CBX6: variants seen among roughly 807,000 people sequenced by gnomAD.
CBX6 encodes chromobox 6, also known as chromobox protein homolog 6.
Under a neutral mutation model 28.4 loss-of-function variants are expected in CBX6, and 7 were observed. The observed-to-expected ratio is 0.25, with a 90% CI of 0.14 to 0.46. CBX6 has a LOEUF of 0.46. CBX6 is among the 20% of genes least tolerant of loss of function. CBX6 has a pLI of 0.99. For synonymous variants in CBX6, 297 were observed against 273.4 expected (o/e 1.09, Z -0.85); for missense variants, 512 against 606.1 (o/e 0.84, Z 1.63).
rs780708348 is a variant in CBX6, at chr22:38,866,419, G to A, written c.1029C>T (p.Ala343=). The A allele has an allele frequency of 1.8e-5, 29 of 1,611,252 alleles. No individual in the cohort carries two copies. The African/African-American group carries it at 3.6e-4, about 20-fold the overall frequency. ...CGGAGGAGGCACCGGCGGGCTCAGGGGCCGTGGGAGGTGCCGGGCCGGCAG... is the reference window on the plus strand; with the variant it reads ...CGGAGGAGGCACCGGCGGGCTCAGGAGCCGTGGGAGGTGCCGGGCCGGCAG... ...TAAAGPAPPT[A]PEPAGASSEP... is the part of the protein sequence containing the mutation. The change falls in exon 5 of 5, where the codon GCC becomes GCT. Residue 343 remains alanine, a synonymous_variant. Transcript: ENST00000407418. The surrounding 1 kb of genome is among the most constrained non-coding windows in gnomAD (Gnocchi z 7.5).
At chr22:38,869,043 C>T (rs1241177192) in intron 4 of CBX6, among the ~76,000 whole-genome samples, 1 of 152,206 alleles carries the variant, frequency 6.6e-6, no homozygotes, top group Non-Finnish European at 1.5e-5. Flanking sequence ...TAGGTGGCAG[C>T]ACATGAAGCC....
In CBX6 at chr22:38,872,182, C is replaced by A; in HGVS notation, c.9G>T (p.Leu3=). Residue 3 remains leucine, a synonymous_variant, in exon 1 of 5, where the codon CTG becomes CTT. Coordinates refer to ENST00000407418, the MANE Select transcript of CBX6 (RefSeq NM_014292.5). This position sits in a 1 kb window ranked among gnomAD's most constrained non-coding sequence, Gnocchi z 5.0. ...CGAAGACCCGCTCGCCCACTGCAGA[C>A]AGCTCCATCTTGCTCAGCGGCACCC... ME[L]SAVGERVFAA... is the part of the protein sequence containing the mutation. The A allele has an allele frequency of 7.1e-7, 1 of 1,412,242 alleles. No individual in the cohort carries two copies. The highest frequency in any genetic ancestry group is 1.3e-5 in the South Asian group (1 of 78,742). 87.5% of individuals were successfully genotyped at this position (1,412,242 alleles called of 1,614,324 possible).
Position 38,863,761 on chromosome 22 carries a change from A to C in CBX6, c.*2448T>G, listed in dbSNP as rs2078381359. The C allele has an allele frequency of 6.6e-6, 1 of 152,052 alleles. No individual in the cohort carries two copies. Among genetic ancestry groups the C allele is most frequent in the African/African-American group, 2.4e-5 (1 of 41,382 alleles). The allele number at this position is 152,052 out of a possible 1,614,324, so 9.4% of individuals were successfully genotyped here. ...CCTCCTGAAGCCTGCATCCCCTTTC[A>C]GGCCAGGGAGGCTCAGAGAGGTTGT... On this transcript the variant is annotated 3_prime_UTR_variant, in exon 5 of 5. Coordinates refer to ENST00000407418, the MANE Select transcript of CBX6 (RefSeq NM_014292.5).
Position 38,871,471 on chromosome 22 carries a change from C to G in CBX6, c.246+9G>C, listed in dbSNP as rs1374747193. On this transcript the variant is annotated intron_variant, in intron 4 of 4. Transcript: ENST00000407418. The surrounding 1 kb of genome is among the most constrained non-coding windows in gnomAD (Gnocchi z 5.6). Reference sequence around the variant, plus strand: ...AGAGGGGGATGCTGCTGGGGCTGGGCCAGGTTACCTTCAGGAGGAAAGTTT... The same window carrying G: ...AGAGGGGGATGCTGCTGGGGCTGGGGCAGGTTACCTTCAGGAGGAAAGTTT... 63 of 1,607,386 alleles carry G rather than the reference C, an allele frequency of 3.9e-5. No individual in the cohort carries two copies. The highest frequency in any genetic ancestry group is 5.0e-5 in the Non-Finnish European group (59 of 1,177,042).
At position 38,866,518 on chromosome 22, in the gene CBX6, C is replaced by T. The variant is rs771912988; in HGVS notation, c.930G>A (p.Pro310=). ...GAGGGAGGGACAGGTCGAGCACCTC[C>T]GGCTCGCGCCAGCTGGGGGCGGATG... ...VSPSAPSWRE[P]EVLDLSLPPE... is the part of the protein sequence containing the mutation. The change falls in exon 5 of 5, where the codon CCG becomes CCA. Residue 310 remains proline (P), a synonymous_variant. Transcript: ENST00000407418. The surrounding 1 kb of genome is among the most constrained non-coding windows in gnomAD (Gnocchi z 7.5). The T allele has an allele frequency of 6.3e-6, 10 of 1,582,442 alleles. No individual in the cohort carries two copies. In the Admixed American group the frequency reaches 1.2e-4, roughly 20 times the overall value.
rs1244456331 is a variant in CBX6, at chr22:38,867,013, T to C, written c.435A>G (p.Gly145=). 5.6e-6 allele frequency: 9 copies of C among 1,605,630 alleles called. No homozygotes were observed. In the East Asian group the frequency reaches 6.7e-5, roughly 12 times the overall value. ...AGAAGGGCGAAATGGGCGGGCGCAG[T>C]CCGGGGCTGCCCCCCTGCGGGTCCG... ...PRPDPQGGSP[G]LRPPISPFSE... The change falls in exon 5 of 5, where the codon GGA becomes GGG. Residue 145 remains glycine, a synonymous_variant. Coordinates refer to ENST00000407418, the MANE Select transcript of CBX6 (RefSeq NM_014292.5).
Position 38,867,007 on chromosome 22 carries a change from G to A in CBX6, c.441C>T (p.Arg147=), listed in dbSNP as rs2093172080. The part of the protein sequence containing the change: ...PDPQGGSPGL[R]PPISPFSETV... ...TCTCCGAGAAGGGCGAAATGGGCGG[G>A]CGCAGTCCGGGGCTGCCCCCCTGCG... Residue 147 remains arginine (R), a synonymous_variant, in exon 5 of 5, where the codon CGC becomes CGT. Coordinates refer to ENST00000407418, the MANE Select transcript of CBX6 (RefSeq NM_014292.5). The A allele has an allele frequency of 6.2e-7, 1 of 1,606,750 alleles. No individual in the cohort carries two copies. The highest frequency in any genetic ancestry group is 8.5e-7 in the Non-Finnish European group (1 of 1,177,874).
rs1041853610 is a variant in CBX6 at position 38,871,822 on chromosome 22, C to T, written c.114-65G>A. The T allele has an allele frequency of 2.5e-6, 4 of 1,581,742 alleles. No individual in the cohort carries two copies. The Admixed American group carries it at 7.0e-5, about 28-fold the overall frequency. ...GAGAGGGACAGGCACGCGGCGAGAG[C>T]AAGAGCGCGCACCCCCACCCCAGGC... On this transcript the variant is annotated intron_variant, in intron 2 of 4. Coordinates refer to ENST00000407418, the MANE Select transcript of CBX6 (RefSeq NM_014292.5). This position sits in a 1 kb window ranked among gnomAD's most constrained non-coding sequence, Gnocchi z 5.6.
chr22:38,865,129 C>T lies in CBX6; in HGVS notation c.*1080G>A, dbSNP rs937513951. 1 of 152,312 alleles carries T rather than the reference C, an allele frequency of 6.6e-6. No individual in the cohort carries two copies. The highest frequency in any genetic ancestry group is 1.9e-4 in the East Asian group (1 of 5,190). The allele number at this position is 152,312 out of a possible 1,614,324, so 9.4% of individuals were successfully genotyped here. On this transcript the variant is annotated 3_prime_UTR_variant, in exon 5 of 5. Transcript: ENST00000407418. ...ATTCTTCAGCATCCTCCCCAAACAC[C>T]CGGAGGAAGAGGGAGCTTGGAATGG...
At position 38,867,204 on chromosome 22, in the gene CBX6, G is replaced by A; in HGVS notation, c.247-3C>T. ...AGGGCCTCGGCCTGGGCCCGCGCCT[G>A]CGGGCAGAGGGAGGGGTGGGTGGGA... On this transcript the variant is annotated splice_polypyrimidine_tract_variant and splice_region_variant and intron_variant, in intron 4 of 4. Transcript: ENST00000407418. 6 of 1,531,638 alleles carry A rather than the reference G, an allele frequency of 3.9e-6. No homozygotes were observed. The highest frequency in any genetic ancestry group is 5.2e-6 in the Non-Finnish European group (6 of 1,144,656). 94.9% of individuals were successfully genotyped at this position (1,531,638 alleles called of 1,614,324 possible). A position where few individuals can be genotyped will look rare whatever the true frequency, so the allele number is the denominator to read the frequency against.
chr22:38,866,129 G>C lies in CBX6; in HGVS notation c.*80C>G. On this transcript the variant is annotated 3_prime_UTR_variant, in exon 5 of 5. Coordinates refer to ENST00000407418, the MANE Select transcript of CBX6 (RefSeq NM_014292.5). The surrounding 1 kb of genome is among the most constrained non-coding windows in gnomAD (Gnocchi z 7.5). ...AGCAAAGCACAGGGAGAGAGGGCTG[G>C]GGGCAAGGGTGGGGTGGGAGCAAGA... 9.7e-7 allele frequency: 1 copy of C among 1,026,174 alleles called. No individual in the cohort carries two copies. The allele number at this position is 1,026,174 out of a possible 1,614,324, so 63.6% of individuals were successfully genotyped here.
chr22:38,867,646 G>A (rs1028786359), intron 4 of CBX6, among the ~76,000 whole-genome samples: 4 of 152,354 alleles, frequency 2.6e-5, no homozygotes, highest in Non-Finnish European at 4.4e-5. Flanking sequence ...CTCATTCGTG[G>A]TGACAGAAAG....
rs1333798204 is a variant in CBX6, at chr22:38,871,377, G to A, written c.246+103C>T. ...AGCTGGGGCCCCTCTGAAAAGGCCG[G>A]CCCGCTTGGGCGGCCGCGTATCTGT... On this transcript the variant is annotated intron_variant, in intron 4 of 4. Transcript: ENST00000407418. The surrounding 1 kb of genome is among the most constrained non-coding windows in gnomAD (Gnocchi z 5.6). The A allele has an allele frequency of 8.1e-7, 1 of 1,235,742 alleles. No individual in the cohort carries two copies. The highest frequency in any genetic ancestry group is 2.3e-5 in the Admixed American group (1 of 43,032). The allele number at this position is 1,235,742 out of a possible 1,614,324, so 76.5% of individuals were successfully genotyped here. A position where few individuals can be genotyped will look rare whatever the true frequency, so the allele number is the denominator to read the frequency against.
In CBX6 at chr22:38,870,751, ACT is replaced by A. The variant is rs1454321938; in HGVS notation, c.246+727_246+728del. The A allele has an allele frequency of 1.3e-5, 2 of 151,894 alleles. No homozygotes were observed. Among genetic ancestry groups the A allele is most frequent in the African/African-American group, 4.8e-5 (2 of 41,262 alleles). 9.4% of individuals were successfully genotyped at this position (151,894 alleles called of 1,614,324 possible). Reference sequence around the variant, plus strand: ...GGCCATCTTGCCCTTCCTTTCCCAGACTCTGTTTTTCCTTGTCAAAATAAAAT... The same window carrying A: ...GGCCATCTTGCCCTTCCTTTCCCAGACTGTTTTTCCTTGTCAAAATAAAAT... On this transcript the variant is annotated intron_variant, in intron 4 of 4. Transcript: ENST00000407418. The surrounding 1 kb of genome is among the most constrained non-coding windows in gnomAD (Gnocchi z 4.3).
In CBX6 at chr22:38,865,629, G is replaced by A. The variant is rs540969696; in HGVS notation, c.*580C>T. 1 of 154,570 alleles carries A rather than the reference G, an allele frequency of 6.5e-6. No individual in the cohort carries two copies. The highest frequency in any genetic ancestry group is 1.9e-4 in the East Asian group (1 of 5,178). The allele number at this position is 154,570 out of a possible 1,614,324, so 9.6% of individuals were successfully genotyped here. A position where few individuals can be genotyped will look rare whatever the true frequency, so the allele number is the denominator to read the frequency against. On this transcript the variant is annotated 3_prime_UTR_variant, in exon 5 of 5. Coordinates refer to ENST00000407418, the MANE Select transcript of CBX6 (RefSeq NM_014292.5). ...GCCAGGGCTGGGGCAGGGCATAGGG[G>A]GTCTACTTAGGCCTCGTCCAAAATC...
In CBX6 at chr22:38,871,954, C is replaced by T. The variant is rs995809365; in HGVS notation, c.70-9G>A. 5 of 1,531,154 alleles carry T rather than the reference C, an allele frequency of 3.3e-6. No individual in the cohort carries two copies. The African/African-American group carries it at 7.0e-5, about 21-fold the overall frequency. The allele number at this position is 1,531,154 out of a possible 1,614,324, so 94.8% of individuals were successfully genotyped here. ...AGGTACTCGATGCGTCCCTGAAAAACAGAGGGGAGAAAAACGGGGGTGGGG... is the reference window on the plus strand; with the variant it reads ...AGGTACTCGATGCGTCCCTGAAAAATAGAGGGGAGAAAAACGGGGGTGGGG... On this transcript the variant is annotated splice_polypyrimidine_tract_variant and intron_variant, in intron 1 of 4. Coordinates refer to ENST00000407418, the MANE Select transcript of CBX6 (RefSeq NM_014292.5). The surrounding 1 kb of genome is among the most constrained non-coding windows in gnomAD (Gnocchi z 5.6).
rs959568236 is a variant in CBX6, at chr22:38,865,888, G to T, written c.*321C>A. On this transcript the variant is annotated 3_prime_UTR_variant, in exon 5 of 5. Transcript: ENST00000407418. Reference sequence around the variant, plus strand: ...CACCGAGAAATCAGACGCCGCACAGGAGAGCAGGAAGCAAGCTAGAGAGAC... The same window carrying T: ...CACCGAGAAATCAGACGCCGCACAGTAGAGCAGGAAGCAAGCTAGAGAGAC... 2 of 358,528 alleles carry T rather than the reference G, an allele frequency of 5.6e-6. No homozygotes were observed. The highest frequency in any genetic ancestry group is 1.0e-5 in the Non-Finnish European group (2 of 196,880). 22.2% of individuals were successfully genotyped at this position (358,528 alleles called of 1,614,324 possible). A position where few individuals can be genotyped will look rare whatever the true frequency, so the allele number is the denominator to read the frequency against.
In CBX6 at chr22:38,866,202, A is replaced by C; in HGVS notation, c.*7T>G. ...CCCCCCAAGCCCCCCTCCTTGGTGG[A>C]GCCCCCTCACTTGCTCGCCCCAATG... On this transcript the variant is annotated 3_prime_UTR_variant, in exon 5 of 5. Coordinates refer to ENST00000407418, the MANE Select transcript of CBX6 (RefSeq NM_014292.5). The surrounding 1 kb of genome is among the most constrained non-coding windows in gnomAD (Gnocchi z 7.5). 2 of 1,500,952 alleles carry C rather than the reference A, an allele frequency of 1.3e-6. No homozygotes were observed. The highest frequency in any genetic ancestry group is 1.8e-6 in the Non-Finnish European group (2 of 1,087,042). 93.0% of individuals were successfully genotyped at this position (1,500,952 alleles called of 1,614,324 possible).
At chr22:38,867,394 A>G (rs570996912) in intron 4 of CBX6, among the ~76,000 whole-genome samples, 193 bp from the exon 5 acceptor site, 1 of 152,068 alleles carries the variant, frequency 6.6e-6, no homozygotes, top group Admixed American at 6.5e-5. Flanking sequence ...TTTGCCTCTG[A>G]CTCCAAGGTC....
Sources: allele counts gnomAD v4.1 joint callset (sites outside exome capture counted in the v4.1 genomes callset), GRCh38; gene constraint gnomAD v4.1.1; non-coding constraint Gnocchi (gnomAD v3.1); transcripts MANE v1.5; gene names NCBI Gene and HGNC (gene_info 2026-07-23, HGNC 2026-07-21).